NBAS: variants seen among roughly 807,000 people sequenced by gnomAD.
NBAS encodes NBAS subunit of NRZ tethering complex.
NBAS carries 219 observed loss-of-function variants against 302.5 expected under a neutral mutation model. The ratio of observed to expected loss-of-function variants is 0.72; its 90% confidence interval spans 0.65 to 0.81. NBAS has a LOEUF of 0.81. NBAS is among the 30% of genes least tolerant of loss of function. The pLI, the probability that NBAS is intolerant of heterozygous loss-of-function variation, is 0.00. For missense variants in NBAS, 2,932 were observed against 2,841.6 expected (o/e 1.03, Z -0.72); for synonymous variants, 1,118 against 1,021.6 (o/e 1.09, Z -1.80).
intron 14 of NBAS, 81 bp downstream of exon 14, chr2:15,475,606 A>G: frequency 7.6e-7 from 1 of 1,312,286 alleles, no homozygotes; most frequent in Non-Finnish European, 1.1e-6. Flanking sequence ...AAAGATAATA[A>G]GACAACTCAA....
At chr2:15,262,819 A>G (rs1161012268) in intron 44 of NBAS, among the ~76,000 whole-genome samples, 1 of 152,200 alleles carries the variant, frequency 6.6e-6, no homozygotes, top group African/African-American at 2.4e-5. Flanking sequence ...TGGCATAAAA[A>G]GGCCCTCATC....
At chr2:15,419,467 G>A (rs113694847) in intron 23 of NBAS, among the ~76,000 whole-genome samples, 4 of 152,220 alleles carry the variant, frequency 2.6e-5, no homozygotes, top group African/African-American at 9.6e-5. Flanking sequence ...TTGGAGTGGA[G>A]TGGGTTATTC....
intron 42 of NBAS, among the ~76,000 whole-genome samples, chr2:15,280,928 C>T (rs970806266): frequency 6.6e-6 from 1 of 152,168 alleles, no homozygotes; most frequent in Non-Finnish European, 1.5e-5. Context: ...TATAATGCAG[C>T]CTGACAGCTG....
At chr2:14,954,279 G>T in the NBAS span, among the ~76,000 whole-genome samples, 1 of 152,192 alleles carries the variant, frequency 6.6e-6, no homozygotes, top group African/African-American at 2.4e-5. Flanking sequence ...AAAGTGTATG[G>T]GCGCATGCAT....
chr2:15,493,419 G>A (rs4668915), intron 11 of NBAS, among the ~76,000 whole-genome samples: 76,820 of 152,074 alleles, frequency 0.51, 22,887 homozygotes, highest in Non-Finnish European at 0.67. Flanking sequence ...TGTAATCCCA[G>A]TACTATGGGA....
chr2:15,515,588 A>G (rs957243177), intron 9 of NBAS, among the ~76,000 whole-genome samples: 3 of 152,206 alleles, frequency 2.0e-5, no homozygotes, highest in Admixed American at 1.3e-4. Flanking sequence ...TTATTATTCA[A>G]TAAGACTCAC....
At chr2:14,786,464 T>C in the NBAS span, among the ~76,000 whole-genome samples, 807 of 152,304 alleles carry the variant, frequency 5.3e-3, 7 homozygotes, top group Non-Finnish European at 9.8e-3. Context: ...TATTTAGTGC[T>C]ATAAATTTCC....
At position 15,476,675 on chromosome 2, in the gene NBAS, A is replaced by G. The variant is rs369183248; in HGVS notation, c.1148-795T>C. 1.8e-4 allele frequency among the ~76,000 whole-genome samples: 27 copies of G among 152,246 alleles called. No homozygotes were observed. The East Asian group carries it at 5.2e-3, about 29-fold the overall frequency. ...GGTCGCGGTGAGCCTAGATGGTGCC[A>G]CTACACTCCAGCCTGGGCGACAGAG... is the stretch of plus-strand genomic sequence containing the variant. On this transcript the variant is annotated intron_variant, in intron 13 of 51. Transcript: ENST00000281513.
chr2:15,408,938 G>C (rs1020946787), intron 25 of NBAS, among the ~76,000 whole-genome samples: 74 of 152,294 alleles, frequency 4.9e-4, no homozygotes, highest in African/African-American at 1.5e-3. Context: ...TTGGGAGGCT[G>C]AGCTGGGAGG....
chr2:15,294,917 T>C (rs978427218), intron 40 of NBAS, among the ~76,000 whole-genome samples: 2 of 152,202 alleles, frequency 1.3e-5, no homozygotes, highest in Non-Finnish European at 2.9e-5. Context: ...ACTTGCTGAA[T>C]ATACCTTGAA....
chr2:15,328,018 T>G, intron 37 of NBAS, 148 bp from the exon 38 acceptor site: 1 of 1,320,594 alleles, frequency 7.6e-7, no homozygotes, highest in Non-Finnish European at 1.1e-6. Context: ...ATGAAACATT[T>G]TTAAACAGAT....
chr2:14,883,954 A>G, the NBAS span, among the ~76,000 whole-genome samples: 2 of 151,042 alleles, frequency 1.3e-5, no homozygotes, highest in East Asian at 3.9e-4. Context: ...CCTCAGTGAC[A>G]TAGTAAGACC....
the NBAS span, among the ~76,000 whole-genome samples, chr2:14,827,168 T>G: frequency 6.6e-6 from 1 of 152,098 alleles, no homozygotes; most frequent in African/African-American, 2.4e-5. Context: ...TCAGGAAAAA[T>G]TTGAACCACC....
chr2:15,370,009 C>A (rs1367077269), intron 31 of NBAS, among the ~76,000 whole-genome samples: 1 of 152,162 alleles, frequency 6.6e-6, no homozygotes, highest in Non-Finnish European at 1.5e-5. Flanking sequence ...AAATCTGAAC[C>A]GTGTGGGCAA....
At chr2:15,060,078 G>A in the NBAS span, among the ~76,000 whole-genome samples, 1 of 152,028 alleles carries the variant, frequency 6.6e-6, no homozygotes, top group African/African-American at 2.4e-5. Flanking sequence ...CCGCCAGCAT[G>A]CTGAGTGACG....
chr2:15,336,485 G>T (rs184706396), intron 35 of NBAS, among the ~76,000 whole-genome samples: 1 of 152,144 alleles, frequency 6.6e-6, no homozygotes, highest in African/African-American at 2.4e-5. Context: ...TGTAATCCCA[G>T]CACTTTGGGA....
intron 48 of NBAS, among the ~76,000 whole-genome samples, chr2:15,203,059 G>A (rs1010730594): frequency 5.3e-5 from 8 of 152,006 alleles, no homozygotes; most frequent in African/African-American, 1.9e-4. Context: ...TAAAAATAAG[G>A]TAATAATACC....
At chr2:15,494,280 C>T (rs4396684) in intron 11 of NBAS, among the ~76,000 whole-genome samples, 76,607 of 151,854 alleles carry the variant, frequency 0.5, 22,775 homozygotes, top group Non-Finnish European at 0.67. Flanking sequence ...AGTTATGTGA[C>T]CACAGGCACA....
the NBAS span, among the ~76,000 whole-genome samples, chr2:14,785,115 CTGTT>C: frequency 5.3e-5 from 8 of 152,220 alleles, no homozygotes; most frequent in South Asian, 4.1e-4. Flanking sequence ...ATTTGGCTCT[CTGTT>C]TGTCTGTTAT....
Sources: gnomAD v4.1 joint callset for allele counts (sites outside exome capture counted in the v4.1 genomes callset) on GRCh38, gnomAD v4.1.1 for gene constraint, MANE v1.5 for transcripts, NCBI Gene and HGNC (gene_info 2026-07-23, HGNC 2026-07-21) for gene names.